KAT2B: variants seen among roughly 807,000 people sequenced by gnomAD.
KAT2B encodes the protein histone acetyltransferase KAT2B.
A neutral mutation model predicts 105.9 loss-of-function variants in KAT2B; 36 were observed. The observed-to-expected ratio is 0.34, with a 90% CI of 0.26 to 0.45. The LOEUF (loss-of-function observed/expected upper bound fraction) is 0.45. Ranked by LOEUF, KAT2B falls within the 20% of genes least tolerant of loss-of-function variation. KAT2B has a pLI of 1.00. For synonymous variants in KAT2B, 397 were observed against 377.9 expected, an observed-to-expected ratio of 1.05 and a Z score of -0.59; for missense variants, 820 against 1,021.6, an observed-to-expected ratio of 0.80 and a Z score of 2.69.
chr3:20,089,799 T>G (rs1698682639), intron 2 of KAT2B, among the ~76,000 whole-genome samples: 2 of 152,196 alleles, frequency 1.3e-5, no homozygotes, highest in African/African-American at 4.8e-5. Flanking sequence ...GATGCTGTTA[T>G]AAATGAGATT....
intron 11 of KAT2B, 146 bp downstream of exon 11, chr3:20,127,695 C>T: frequency 1.4e-6 from 1 of 715,414 alleles, no homozygotes; most frequent in Non-Finnish European, 2.3e-6. Flanking sequence ...TCCTCTCACT[C>T]CAATGGTCTC....
chr3:20,060,452 T>C (rs994668881), intron 1 of KAT2B, among the ~76,000 whole-genome samples: 5 of 152,022 alleles, frequency 3.3e-5, no homozygotes, highest in South Asian at 2.1e-4. Context: ...AAATACAAAA[T>C]TAGCTGGGCA....
At position 20,152,775 on chromosome 3, in the gene KAT2B, C is replaced by T. The variant is rs1699891549; in HGVS notation, c.*250C>T. ...TACTATTAAGGTAAATTTTCTATGG[C>T]ATGTCCATTAGCTATTTCATGATAG... On this transcript the variant is annotated 3_prime_UTR_variant, in exon 18 of 18. Transcript: ENST00000263754. The T allele has an allele frequency of 3.7e-6, 1 of 269,958 alleles. No homozygotes were observed. Among genetic ancestry groups the T allele is most frequent in the South Asian group, 9.0e-5 (1 of 11,112 alleles). 16.7% of individuals were successfully genotyped at this position (269,958 alleles called of 1,614,324 possible).
chr3:20,120,242 A>G (rs1036465800), intron 8 of KAT2B, among the ~76,000 whole-genome samples: 27 of 148,344 alleles, frequency 1.8e-4, no homozygotes, highest in Non-Finnish European at 3.1e-4. Flanking sequence ...TTTTCTTTTT[A>G]TTTGAGACAG....
At chr3:20,061,725 A>G (rs1273783980) in intron 1 of KAT2B, among the ~76,000 whole-genome samples, 4 of 140,588 alleles carry the variant, frequency 2.8e-5, no homozygotes, top group Non-Finnish European at 6.1e-5. Flanking sequence ...ATACGTATAT[A>G]TGAAAAAATA....
At chr3:20,055,955 T>C (rs1697996800) in intron 1 of KAT2B, among the ~76,000 whole-genome samples, 1 of 152,214 alleles carries the variant, frequency 6.6e-6, no homozygotes, top group Non-Finnish European at 1.5e-5. Context: ...TGGTGTTGGA[T>C]GCATTGGTAG....
At chr3:20,069,860 C>G (rs562215763) in intron 1 of KAT2B, among the ~76,000 whole-genome samples, 1 of 152,228 alleles carries the variant, frequency 6.6e-6, no homozygotes, top group South Asian at 2.1e-4. Flanking sequence ...TTTAATAACC[C>G]TTAGGCCAAA....
rs181618899 is a variant in KAT2B at position 20,114,153 on chromosome 3, G to T, written c.1044-729G>T. Among the ~76,000 whole-genome samples the T allele has an allele frequency of 3.9e-5, 6 of 151,990 alleles. No homozygotes were observed. In the East Asian group the frequency reaches 7.8e-4, roughly 20 times the overall value. On this transcript the variant is annotated intron_variant, in intron 6 of 17. Coordinates refer to ENST00000263754, the MANE Select transcript of KAT2B (RefSeq NM_003884.5). ...TGATAAGCATCTGTATTTCTAATAA[G>T]GTTTCCAGATGATTTCTATGGGTTG...
chr3:20,101,432 A>T lies in KAT2B; in HGVS notation c.815A>T (p.Asn272Ile), dbSNP rs142082974. 1 of 1,614,020 alleles carries T rather than the reference A, an allele frequency of 6.2e-7. No individual in the cohort carries two copies. The highest frequency in any genetic ancestry group is 8.5e-7 in the Non-Finnish European group (1 of 1,179,938). ...APSQRRLRSP[N>I]DDISGYKENY... ...TCTCAACGAAGACTGCGATCTCCCA[A>T]TGATGATATTTCTGGATACAAAGAG... The change falls in exon 5 of 18, where the codon AAT (asparagine) becomes ATT (isoleucine). Residue 272 changes from asparagine to isoleucine, a missense_variant. By Grantham distance (149) the Asn-to-Ile change is moderately radical (BLOSUM62 -3). Coordinates refer to ENST00000263754, the MANE Select transcript of KAT2B (RefSeq NM_003884.5).
Position 20,122,755 on chromosome 3 carries a change from A to G in KAT2B, c.1364A>G (p.Asn455Ser), listed in dbSNP as rs373525362. 13 of 1,614,044 alleles carry G rather than the reference A, an allele frequency of 8.1e-6. No homozygotes were observed. Among genetic ancestry groups the G allele is most frequent in the Non-Finnish European group, 1.1e-5 (13 of 1,179,986 alleles). ...GGGGATATTCCGATGGAATTAATCA[A>G]CGAGGTTATGTCTACCATCACGGAC... ...VMGDIPMELINEVMSTITDPA... is the reference protein window; with the variant it reads ...VMGDIPMELISEVMSTITDPA... Residue 455 changes from asparagine (N) to serine (S), a missense_variant, in exon 9 of 18, where the codon AAC (asparagine) becomes AGC (serine). Around this residue, in one of 6 missense-constraint regions of KAT2B, gnomAD observed 225 missense variants for 268.1 expected, o/e 0.84. Transcript: ENST00000263754.
At chr3:20,067,716 C>T (rs1698247254) in intron 1 of KAT2B, among the ~76,000 whole-genome samples, 1 of 151,928 alleles carries the variant, frequency 6.6e-6, no homozygotes, top group Non-Finnish European at 1.5e-5. Flanking sequence ...ACTCTGTCAC[C>T]CAGGCTGGAG....
chr3:20,106,990 TATATATATATATATATATATATATA>T (rs1471626993), intron 5 of KAT2B, among the ~76,000 whole-genome samples: 7 of 29,624 alleles, frequency 2.4e-4, no homozygotes, highest in African/African-American at 4.6e-4. Context: ...TATATATATA[TATATATATATATATATATATATATA>T]TTTTTTTTTT....
intron 8 of KAT2B, 33 bp from the exon 9 acceptor site, chr3:20,122,635 C>T (rs200876804): frequency 1.9e-6 from 3 of 1,570,728 alleles, no homozygotes; most frequent in Admixed American, 1.7e-5. Flanking sequence ...TTTAGAACCA[C>T]CCATTGTTTG....
At position 20,130,419 on chromosome 3, in the gene KAT2B, A is replaced by G. The variant is rs138228097; in HGVS notation, c.1749+2870A>G. On this transcript the variant is annotated intron_variant, in intron 11 of 17. Coordinates refer to ENST00000263754, the MANE Select transcript of KAT2B (RefSeq NM_003884.5). ...AGTGACAAATGTCCAGATGTTTCCA[A>G]ATGTTCAAAGTTTAAGAACTTACTT... Among the ~76,000 whole-genome samples, 6 of 152,302 alleles carry G rather than the reference A, an allele frequency of 3.9e-5. No individual in the cohort carries two copies. In the East Asian group the frequency reaches 1.2e-3, roughly 29 times the overall value.
At chr3:20,115,857 T>A (rs1699198652) in intron 7 of KAT2B, among the ~76,000 whole-genome samples, 1 of 152,132 alleles carries the variant, frequency 6.6e-6, no homozygotes, top group African/African-American at 2.4e-5. Flanking sequence ...GTCATAGGAG[T>A]GGAATCATAT....
intron 3 of KAT2B, among the ~76,000 whole-genome samples, chr3:20,095,828 G>A (rs1167003511): frequency 1.3e-5 from 2 of 152,312 alleles, no homozygotes; most frequent in Non-Finnish European, 1.5e-5. Context: ...GGTGATAAGT[G>A]TTGGCCGAAG....
rs527546331 is a variant in KAT2B at position 20,112,657 on chromosome 3, C to T, written c.1043+870C>T. ...AGCGCTTGGTCAGGAAGGTAAAAGG[C>T]GTAATTTGAAAAGGCTGGCTAGGTA... On this transcript the variant is annotated intron_variant, in intron 6 of 17. Coordinates refer to ENST00000263754, the MANE Select transcript of KAT2B (RefSeq NM_003884.5). Among the ~76,000 whole-genome samples, 22 of 152,212 alleles carry T rather than the reference C, an allele frequency of 1.4e-4. 1 individual carries two copies. The highest frequency in any genetic ancestry group is 8.3e-4 in the South Asian group (4 of 4,828).
At chr3:20,143,240 G>A (rs1699724624) in intron 13 of KAT2B, among the ~76,000 whole-genome samples, 1 of 152,172 alleles carries the variant, frequency 6.6e-6, no homozygotes, top group South Asian at 2.1e-4. Flanking sequence ...ATGGTAGGGA[G>A]TTGAAGATAT....
At chr3:20,066,040 A>G (rs978103446) in intron 1 of KAT2B, among the ~76,000 whole-genome samples, 1 of 152,138 alleles carries the variant, frequency 6.6e-6, no homozygotes, top group African/African-American at 2.4e-5. Flanking sequence ...TTTGGAGGCT[A>G]GAAGTCTGAG....
Sources: gnomAD v4.1 joint callset for allele counts (sites outside exome capture counted in the v4.1 genomes callset) on GRCh38, gnomAD v4.1.1 for gene constraint, gnomAD v4.1.1 regional missense constraint, MANE v1.5 for transcripts, NCBI Gene and HGNC (gene_info 2026-07-23, HGNC 2026-07-21) for gene names.